RCSD1: variants seen among roughly 807,000 people sequenced by gnomAD.
RCSD1 encodes RCSD domain containing 1.
In RCSD1, 26 loss-of-function variants were observed where a neutral mutation model predicts 42.5. That is an observed-to-expected ratio of 0.61 (90% CI 0.45 to 0.85). The LOEUF (loss-of-function observed/expected upper bound fraction) is 0.85, where lower values mean the gene tolerates loss of function less well. RCSD1 is among the 40% of genes least tolerant of loss of function. The probability of loss-of-function intolerance (pLI) is 0.00; values close to 1 mark genes in which losing one functional copy is unlikely to be tolerated. For missense variants in RCSD1, 571 were observed against 528.3 expected (o/e 1.08, Z -0.79); for synonymous variants, 220 against 212.2 (o/e 1.04, Z -0.32).
At chr1:167,645,227 A>G (rs1237830321) in intron 1 of RCSD1, among the ~76,000 whole-genome samples, 1 of 152,224 alleles carries the variant, frequency 6.6e-6, no homozygotes, top group East Asian at 1.9e-4. Context: ...TTAAACAGGG[A>G]TGAATGTAAA....
intron 1 of RCSD1, among the ~76,000 whole-genome samples, chr1:167,631,025 A>G (rs546813543): frequency 6.6e-6 from 1 of 152,182 alleles, no homozygotes; most frequent in Non-Finnish European, 1.5e-5. Context: ...GGTCAGTCGA[A>G]TGACATTATT....
intron 3 of RCSD1, among the ~76,000 whole-genome samples, chr1:167,686,654 C>A (rs1474276092): frequency 6.6e-6 from 1 of 152,202 alleles, no homozygotes; most frequent in East Asian, 1.9e-4. Context: ...CTGAGGTTTT[C>A]CTTGGGTCTC....
chr1:167,691,973 G>GTAGCCCACCC (rs1659388575), intron 4 of RCSD1, among the ~76,000 whole-genome samples: 1 of 152,128 alleles, frequency 6.6e-6, no homozygotes, highest in Non-Finnish European at 1.5e-5. Flanking sequence ...CTGCCTCCCT[G>GTAGCCCACCC]TAGCCCACCC....
At chr1:167,671,207 A>G (rs1380243883) in intron 1 of RCSD1, among the ~76,000 whole-genome samples, 2 of 152,174 alleles carry the variant, frequency 1.3e-5, no homozygotes, top group African/African-American at 4.8e-5. Context: ...CACATCTTGA[A>G]GCCATTCCTT....
intron 3 of RCSD1, among the ~76,000 whole-genome samples, chr1:167,689,492 A>AG (rs1558090823): frequency 4.0e-5 from 6 of 148,452 alleles, no homozygotes; most frequent in East Asian, 3.9e-4. Context: ...AAAAAAAAAA[A>AG]AAAAAGAAAA....
intron 1 of RCSD1, among the ~76,000 whole-genome samples, chr1:167,632,542 G>A (rs1657730586): frequency 6.6e-6 from 1 of 152,118 alleles, no homozygotes; most frequent in Non-Finnish European, 1.5e-5. Flanking sequence ...TGCAGTAAAA[G>A]AGAAGGCCCT....
Position 167,694,307 on chromosome 1 carries a change from A to C in RCSD1, c.474+5A>C. The C allele has an allele frequency of 6.2e-7, 1 of 1,613,228 alleles. No homozygotes were observed. On this transcript the variant is annotated splice_donor_5th_base_variant and intron_variant, in intron 5 of 6. Coordinates refer to ENST00000367854, the MANE Select transcript of RCSD1 (RefSeq NM_052862.4). ...CATCTGCCCTGTTACAACAAGGTAAATTCTAGCTCCAGATTATGGCGGTGT... is the reference window on the plus strand; with the variant it reads ...CATCTGCCCTGTTACAACAAGGTAACTTCTAGCTCCAGATTATGGCGGTGT...
chr1:167,657,492 G>A (rs1658449512), intron 1 of RCSD1, among the ~76,000 whole-genome samples: 1 of 152,116 alleles, frequency 6.6e-6, no homozygotes, highest in South Asian at 2.1e-4. Flanking sequence ...CTGCAAATGG[G>A]GCAAATTGAC....
intron 1 of RCSD1, among the ~76,000 whole-genome samples, chr1:167,639,868 G>A (rs569157011): frequency 1.2e-4 from 18 of 152,286 alleles, no homozygotes; most frequent in East Asian, 9.7e-4. Flanking sequence ...TAGCTGCAGC[G>A]CCACGCCTTG....
chr1:167,653,188 A>C (rs751811852), intron 1 of RCSD1, among the ~76,000 whole-genome samples: 1 of 152,226 alleles, frequency 6.6e-6, no homozygotes, highest in Non-Finnish European at 1.5e-5. Context: ...TGTCAATGTC[A>C]TGTGTCTTCC....
rs191222515 is a variant in RCSD1, at chr1:167,704,027, A to G, written c.1219-637A>G. ...ACCTTGTACTGTGGTTACATTCCCAAATGTTTCCATTTCTCAGCAAAAGAA... is the reference window on the plus strand; with the variant it reads ...ACCTTGTACTGTGGTTACATTCCCAGATGTTTCCATTTCTCAGCAAAAGAA... On this transcript the variant is annotated intron_variant, in intron 6 of 6. Coordinates refer to ENST00000367854, the MANE Select transcript of RCSD1 (RefSeq NM_052862.4). Among the ~76,000 whole-genome samples, 335 of 152,172 alleles carry G rather than the reference A, an allele frequency of 2.2e-3. 3 individuals carry two copies. Among genetic ancestry groups the G allele is most frequent in the African/African-American group, 7.9e-3 (326 of 41,508 alleles).
chr1:167,688,973 A>G (rs969861620), intron 3 of RCSD1, among the ~76,000 whole-genome samples: 6 of 152,148 alleles, frequency 3.9e-5, no homozygotes, highest in Non-Finnish European at 8.8e-5. Flanking sequence ...CAAAACACAG[A>G]GTTAATATTT....
intron 1 of RCSD1, among the ~76,000 whole-genome samples, chr1:167,680,590 C>G: frequency 6.6e-6 from 1 of 152,300 alleles, no homozygotes; most frequent in East Asian, 1.9e-4. Flanking sequence ...GAGTGATCCT[C>G]TCTCCTCAGC....
At chr1:167,677,507 TAAAGAGG>T (rs1658980967) in intron 1 of RCSD1, among the ~76,000 whole-genome samples, 1 of 152,188 alleles carries the variant, frequency 6.6e-6, no homozygotes, top group South Asian at 2.1e-4. Context: ...CTTTAATATT[TAAAGAGG>T]AAAGGATGAA....
rs1479293775 is a variant in RCSD1, at chr1:167,696,958, A to G, written c.475-141A>G. On this transcript the variant is annotated intron_variant, in intron 5 of 6. Transcript: ENST00000367854. ...AATCTATAATAAATAGCAAACAATG[A>G]TTCGTTCTCCTGGAAAATTAAACGG... 6 of 716,806 alleles carry G rather than the reference A, an allele frequency of 8.4e-6. No homozygotes were observed. In the East Asian group the frequency reaches 1.6e-4, roughly 20 times the overall value. The allele number at this position is 716,806 out of a possible 1,614,324, so 44.4% of individuals were successfully genotyped here.
At chr1:167,699,202 G>A (rs535382082) in intron 6 of RCSD1, among the ~76,000 whole-genome samples, 2 of 152,074 alleles carry the variant, frequency 1.3e-5, no homozygotes, top group Non-Finnish European at 2.9e-5. Context: ...TAGATCAACT[G>A]CTCTTTGCTA....
intron 1 of RCSD1, chr1:167,630,660 T>A: frequency 4.2e-6 from 1 of 236,384 alleles, no homozygotes; most frequent in Non-Finnish European, 7.7e-6. Flanking sequence ...AGGAAAGATC[T>A]CAGAGGGAGA....
At chr1:167,664,662 TG>T (rs1658612437) in intron 1 of RCSD1, 1 of 152,246 alleles carries the variant, frequency 6.6e-6, no homozygotes, top group African/African-American at 2.4e-5. Context: ...CCTTGTGCTT[TG>T]GGAGGCTGAG....
chr1:167,691,318 A>G (rs1303038399), intron 4 of RCSD1, among the ~76,000 whole-genome samples: 1 of 152,214 alleles, frequency 6.6e-6, no homozygotes, highest in Non-Finnish European at 1.5e-5. Flanking sequence ...GCAAGAAGAG[A>G]GTAGAGTGGG....
Sources: gnomAD v4.1 joint callset for allele counts (sites outside exome capture counted in the v4.1 genomes callset) on GRCh38, gnomAD v4.1.1 for gene constraint, MANE v1.5 for transcripts, NCBI Gene and HGNC (gene_info 2026-07-23, HGNC 2026-07-21) for gene names.